SNX4: variants seen among roughly 807,000 people sequenced by gnomAD.
The protein encoded by SNX4 is sorting nexin 4, also known as sorting nexin-4.
A neutral mutation model predicts 70.8 loss-of-function variants in SNX4; 49 were observed. The observed-to-expected ratio is 0.69, with a 90% CI of 0.55 to 0.88. SNX4 has a LOEUF of 0.88. Among genes scored for constraint, SNX4 ranks in the 40% least tolerant of loss-of-function variants. SNX4 has a pLI of 0.00. For synonymous variants in SNX4, 206 were observed against 183.8 expected, an observed-to-expected ratio of 1.12 and a Z score of -0.98; for missense variants, 528 against 544.8, an observed-to-expected ratio of 0.97 and a Z score of 0.31.
intron 13 of SNX4, chr3:125,449,190 G>A (rs1933508475): frequency 6.6e-6 from 1 of 151,770 alleles, no homozygotes; most frequent in Non-Finnish European, 1.5e-5. Flanking sequence ...TTGGGAGGTG[G>A]AGGCAGGCGG....
At chr3:125,500,794 C>T (rs1489515284) in intron 2 of SNX4, among the ~76,000 whole-genome samples, 4 of 104,712 alleles carry the variant, frequency 3.8e-5, no homozygotes, top group African/African-American at 8.5e-5. Flanking sequence ...AGCAAGACTC[C>T]GTCTCAAAAA....
chr3:125,496,467 T>A (rs1016669950), intron 5 of SNX4, among the ~76,000 whole-genome samples: 2 of 152,162 alleles, frequency 1.3e-5, no homozygotes, highest in Admixed American at 6.5e-5. Context: ...TGTAAAAAAA[T>A]TTTCTTCTTC....
At chr3:125,514,171 G>C (rs1328031254) in intron 1 of SNX4, among the ~76,000 whole-genome samples, 1 of 152,010 alleles carries the variant, frequency 6.6e-6, no homozygotes, top group African/African-American at 2.4e-5. Flanking sequence ...TGGGGAGACA[G>C]AAACATTCAA....
At chr3:125,474,711 C>G (rs1367784136) in intron 8 of SNX4, among the ~76,000 whole-genome samples, 1 of 152,092 alleles carries the variant, frequency 6.6e-6, no homozygotes, top group Non-Finnish European at 1.5e-5. Flanking sequence ...GGCATTAATG[C>G]AAATAATTTT....
intron 9 of SNX4, among the ~76,000 whole-genome samples, chr3:125,461,449 T>C (rs986442916): frequency 5.3e-5 from 8 of 152,204 alleles, no homozygotes; most frequent in African/African-American, 1.7e-4. Flanking sequence ...GTCTTTTTCA[T>C]AGGCAGTTTA....
At chr3:125,463,887 TTCACTGTC>T (rs1933941551) in intron 9 of SNX4, among the ~76,000 whole-genome samples, 1 of 152,152 alleles carries the variant, frequency 6.6e-6, no homozygotes, top group Non-Finnish European at 1.5e-5. Flanking sequence ...TACTTGCTTC[TTCACTGTC>T]TTAATAGTGT....
Position 125,472,373 on chromosome 3 carries a change from G to A in SNX4, c.789-2854C>T, listed in dbSNP as rs533335056. Among the ~76,000 whole-genome samples the A allele has an allele frequency of 4.6e-5, 7 of 152,210 alleles. No homozygotes were observed. The East Asian group carries it at 1.4e-3, about 29-fold the overall frequency. ...AAACCATCTCCCACAAACTGGCGCT[G>A]CTCAGCAATCCTTTCCACATTCCGA... On this transcript the variant is annotated intron_variant, in intron 8 of 13. Transcript: ENST00000251775.
At chr3:125,485,716 T>C (rs935413836) in intron 6 of SNX4, among the ~76,000 whole-genome samples, 6 of 152,188 alleles carry the variant, frequency 3.9e-5, no homozygotes, top group Admixed American at 3.3e-4. Flanking sequence ...AACTATTACC[T>C]AAGATAAAGC....
At chr3:125,493,469 C>T (rs779240337) in intron 5 of SNX4, among the ~76,000 whole-genome samples, 14 of 147,628 alleles carry the variant, frequency 9.5e-5, no homozygotes, top group South Asian at 2.2e-4. Flanking sequence ...CTGGCTAACA[C>T]GGTGAAACCC....
At chr3:125,472,547 A>G (rs1386733920) in intron 8 of SNX4, among the ~76,000 whole-genome samples, 2 of 152,254 alleles carry the variant, frequency 1.3e-5, no homozygotes, top group African/African-American at 4.8e-5. Context: ...TAAATATTAA[A>G]GTATCCATAC....
At chr3:125,518,336 T>A (rs888969916) in intron 1 of SNX4, among the ~76,000 whole-genome samples, 1 of 150,244 alleles carries the variant, frequency 6.7e-6, no homozygotes, top group Non-Finnish European at 1.5e-5. Flanking sequence ...GTGGCATGCA[T>A]CTGTAGTCCC....
In SNX4 at chr3:125,484,676, G is replaced by C. The variant is rs569443210; in HGVS notation, c.654-4357C>G. On this transcript the variant is annotated intron_variant, in intron 6 of 13. Transcript: ENST00000251775. ...AAGACCCTCCATCAAGGCTTTTTGA[G>C]AATGCTTCTCTCCAATCTTAAAGGC... Among the ~76,000 whole-genome samples, 55 of 152,186 alleles carry C rather than the reference G, an allele frequency of 3.6e-4. No homozygotes were observed. The South Asian group carries it at 9.1e-3, about 25-fold the overall frequency.
intron 1 of SNX4, among the ~76,000 whole-genome samples, chr3:125,515,190 A>G (rs1935248163): frequency 6.6e-6 from 1 of 151,884 alleles, no homozygotes; most frequent in South Asian, 2.1e-4. Context: ...TCTACTAAAA[A>G]AAAATACAAA....
chr3:125,519,660 C>T (rs1280314004), intron 1 of SNX4, among the ~76,000 whole-genome samples: 1 of 152,126 alleles, frequency 6.6e-6, no homozygotes, highest in Non-Finnish European at 1.5e-5. Flanking sequence ...CAGCGTTCTT[C>T]TCACGGTCCA....
chr3:125,512,324 A>G (rs1405785670), intron 1 of SNX4, among the ~76,000 whole-genome samples: 3 of 152,234 alleles, frequency 2.0e-5, no homozygotes, highest in African/African-American at 4.8e-5. Flanking sequence ...CAAGTTATTA[A>G]TATCTCCCCA....
rs71148182 is a variant in SNX4 at position 125,506,817 on chromosome 3, T to TAAAAAA, written c.142-2079_142-2074dup. ...AACTTAAAGAAAGATGTGGAGAAAG[T>TAAAAAA]AAAAAAAAAAAAAAAAAAAAAAAAA... On this transcript the variant is annotated intron_variant, in intron 1 of 13. Transcript: ENST00000251775. Among the ~76,000 whole-genome samples, 11 of 26,832 alleles carry TAAAAAA rather than the reference T, an allele frequency of 4.1e-4. 1 individual carries two copies. Among genetic ancestry groups the TAAAAAA allele is most frequent in the Non-Finnish European group, 7.8e-4 (10 of 12,786 alleles). The allele number at this position is 26,832 out of a possible 152,430, so 17.6% of individuals were successfully genotyped here.
At chr3:125,458,543 G>A (rs1040086945) in intron 10 of SNX4, among the ~76,000 whole-genome samples, 11 of 151,990 alleles carry the variant, frequency 7.2e-5, no homozygotes, top group African/African-American at 2.4e-4. Flanking sequence ...TCGGATGGGC[G>A]CGGTGGCTCA....
At chr3:125,519,977 CGGCCCGCT>C in intron 1 of SNX4, 47 bp downstream of exon 1, 1 of 1,463,436 alleles carries the variant, frequency 6.8e-7, no homozygotes, top group Non-Finnish European at 9.1e-7. Context: ...CAGCCCAGCC[CGGCCCGCT>C]AGGCCACCAC....
chr3:125,451,083 T>C (rs550664556), intron 13 of SNX4, among the ~76,000 whole-genome samples: 5 of 152,174 alleles, frequency 3.3e-5, no homozygotes, highest in Admixed American at 2.6e-4. Flanking sequence ...CTGGGCAACA[T>C]AGCGAGACCC....
Sources: allele counts gnomAD v4.1 joint callset (sites outside exome capture counted in the v4.1 genomes callset), GRCh38; gene constraint gnomAD v4.1.1; transcripts MANE v1.5; gene names NCBI Gene and HGNC (gene_info 2026-07-23, HGNC 2026-07-21).